ALK: variants seen among roughly 807,000 people sequenced by gnomAD.
The protein encoded by ALK is ALK tyrosine kinase receptor.
In ALK, 74 loss-of-function variants were observed where a neutral mutation model predicts 163.1. The ratio of observed to expected loss-of-function variants is 0.45; its 90% CI spans 0.38 to 0.55. The LOEUF (loss-of-function observed/expected upper bound fraction) is 0.55, where lower values mean the gene tolerates loss of function less well. ALK is among the 20% of genes least tolerant of loss of function. The probability of loss-of-function intolerance (pLI) is 0.00; values close to 1 mark genes in which losing one functional copy is unlikely to be tolerated. For synonymous variants in ALK, 960 were observed against 843.2 expected, an observed-to-expected ratio of 1.14 and a Z score of -2.40; for missense variants, 2,063 against 2,105.3, an observed-to-expected ratio of 0.98 and a Z score of 0.39.
intron 4 of ALK, among the ~76,000 whole-genome samples, chr2:29,522,210 C>G (rs989275981): frequency 3.3e-5 from 5 of 152,148 alleles, no homozygotes; most frequent in African/African-American, 1.2e-4. Context: ...TCCTTACAAG[C>G]TGTGCAACTC....
chr2:29,218,731 G>A (rs1238937734), intron 23 of ALK, among the ~76,000 whole-genome samples: 1 of 152,234 alleles, frequency 6.6e-6, no homozygotes, highest in East Asian at 1.9e-4. Context: ...CCTCAGGAAG[G>A]TCCAGTGGGA....
intron 4 of ALK, among the ~76,000 whole-genome samples, chr2:29,400,408 C>A (rs72792443): frequency 1.4e-4 from 21 of 152,062 alleles, no homozygotes; most frequent in African/African-American, 4.8e-4. Flanking sequence ...CTTGAGTGAC[C>A]CTTCTCGCTT....
At chr2:29,767,174 A>C (rs1680887986) in intron 1 of ALK, among the ~76,000 whole-genome samples, 1 of 152,220 alleles carries the variant, frequency 6.6e-6, no homozygotes, top group African/African-American at 2.4e-5. Context: ...TTTGATTCTC[A>C]CAACAATCTG....
At chr2:29,204,251 A>G (rs1412839544) in intron 26 of ALK, among the ~76,000 whole-genome samples, 2 of 152,224 alleles carry the variant, frequency 1.3e-5, no homozygotes, top group Non-Finnish European at 1.5e-5. Flanking sequence ...GGCATTATTG[A>G]CTAAAGCCCA....
intron 3 of ALK, among the ~76,000 whole-genome samples, chr2:29,621,926 G>C (rs949669157): frequency 6.6e-6 from 1 of 152,086 alleles, no homozygotes; most frequent in Non-Finnish European, 1.5e-5. Context: ...GTGGGAATAA[G>C]AAGAAGCAGA....
chr2:29,632,748 G>T (rs1410607353), intron 3 of ALK, among the ~76,000 whole-genome samples: 1 of 152,214 alleles, frequency 6.6e-6, no homozygotes, highest in Non-Finnish European at 1.5e-5. Flanking sequence ...GTTCCACATG[G>T]CTGGGGACGC....
At chr2:29,555,036 T>TA (rs1558382024) in intron 3 of ALK, among the ~76,000 whole-genome samples, 1 of 152,154 alleles carries the variant, frequency 6.6e-6, no homozygotes, top group African/African-American at 2.4e-5. Context: ...GAAATAACCT[T>TA]AAAAAAGGGC....
intron 3 of ALK, among the ~76,000 whole-genome samples, chr2:29,676,120 T>A (rs1053600202): frequency 2.6e-5 from 4 of 152,070 alleles, no homozygotes; most frequent in Non-Finnish European, 5.9e-5. Context: ...AATGTATGAT[T>A]CACAAATTTT....
At chr2:29,902,550 C>T (rs921409848) in intron 1 of ALK, among the ~76,000 whole-genome samples, 10 of 152,202 alleles carry the variant, frequency 6.6e-5, no homozygotes, top group African/African-American at 2.4e-4. Flanking sequence ...AAGTCAAACA[C>T]CCTCTGCTTG....
chr2:29,242,219 G>C (rs1664542763), intron 12 of ALK, among the ~76,000 whole-genome samples: 1 of 152,262 alleles, frequency 6.6e-6, no homozygotes, highest in East Asian at 1.9e-4. Context: ...CACTGCCCCA[G>C]GTTTCTGAGT....
At chr2:29,553,770 T>C (rs1183609163) in intron 3 of ALK, among the ~76,000 whole-genome samples, 1 of 152,222 alleles carries the variant, frequency 6.6e-6, no homozygotes, top group African/African-American at 2.4e-5. Context: ...GGGAATTATA[T>C]TTGTTGTTTC....
intron 9 of ALK, among the ~76,000 whole-genome samples, chr2:29,296,340 C>T (rs1666176924): frequency 1.3e-5 from 2 of 152,314 alleles, no homozygotes; most frequent in South Asian, 2.1e-4. Context: ...ACACTGGACT[C>T]GGAGTCGGGC....
intron 1 of ALK, among the ~76,000 whole-genome samples, chr2:29,775,875 G>A (rs1174825496): frequency 6.6e-6 from 1 of 152,176 alleles, no homozygotes; most frequent in Non-Finnish European, 1.5e-5. Flanking sequence ...CAGTGAAGGA[G>A]AATCATAAAG....
intron 5 of ALK, among the ~76,000 whole-genome samples, chr2:29,345,180 G>A (rs1667908497): frequency 6.6e-6 from 1 of 152,066 alleles, no homozygotes; most frequent in Non-Finnish European, 1.5e-5. Context: ...GATGTCTTGT[G>A]CCTAGGAGTT....
At position 29,526,422 on chromosome 2, in the gene ALK, G is replaced by T. The variant is rs368960848; in HGVS notation, c.1154+5493C>A. On this transcript the variant is annotated intron_variant, in intron 4 of 28. Transcript: ENST00000389048. ...TGTCTGAGAAATATCCCCCTGACAA[G>T]CCTGGGTGTGAGTTTTAAGGCTTTT... Among the ~76,000 whole-genome samples, 4 of 152,202 alleles carry T rather than the reference G, an allele frequency of 2.6e-5. No homozygotes were observed. The East Asian group carries it at 7.7e-4, about 29-fold the overall frequency.
rs1325715148 is a variant in ALK, at chr2:29,814,062, T to C, written c.668-96365A>G. 5.3e-5 allele frequency among the ~76,000 whole-genome samples: 8 copies of C among 152,100 alleles called. No individual in the cohort carries two copies. The South Asian group carries it at 1.7e-3, about 32-fold the overall frequency. On this transcript the variant is annotated intron_variant, in intron 1 of 28. Coordinates refer to ENST00000389048, the MANE Select transcript of ALK (RefSeq NM_004304.5). ...GGAATAAAGAAACTTGGGGCTGACCTCCCCTGGGGTGCAACAGCCCAGACT... is the reference window on the plus strand; with the variant it reads ...GGAATAAAGAAACTTGGGGCTGACCCCCCCTGGGGTGCAACAGCCCAGACT...
rs77855523 is a variant in ALK at position 29,849,343 on chromosome 2, C to G, written c.667+70650G>C. Among the ~76,000 whole-genome samples, 1,394 of 152,350 alleles carry G rather than the reference C, an allele frequency of 9.1e-3. 28 individuals are homozygous for G. The highest frequency in any genetic ancestry group is 0.031 in the African/African-American group (1,279 of 41,574). ...CTAACTGTATAAACCTGGGACACCA[C>G]TCAGGCAGCTGTGCCTCAACTTCCC... On this transcript the variant is annotated intron_variant, in intron 1 of 28. Transcript: ENST00000389048.
intron 4 of ALK, among the ~76,000 whole-genome samples, chr2:29,427,037 CAAAAAAAAAAA>C (rs70958261): frequency 1.2e-4 from 5 of 40,126 alleles, no homozygotes; most frequent in South Asian, 3.9e-3. Context: ...GACTCCGTCT[CAAAAAAAAAAA>C]AAAAAAAAAA....
chr2:29,914,919 G>A (rs1667792148), intron 1 of ALK, among the ~76,000 whole-genome samples: 1 of 152,120 alleles, frequency 6.6e-6, no homozygotes, highest in African/African-American at 2.4e-5. Context: ...TATATGACCT[G>A]GAAAAATATG....
Sources: gnomAD v4.1 joint callset for allele counts (sites outside exome capture counted in the v4.1 genomes callset) on GRCh38, gnomAD v4.1.1 for gene constraint, MANE v1.5 for transcripts, NCBI Gene and HGNC (gene_info 2026-07-23, HGNC 2026-07-21) for gene names.